Variants in PTK2B observed in about 807,000 individuals in gnomAD.
PTK2B encodes protein tyrosine kinase 2 beta.
A neutral mutation model predicts 142.9 loss-of-function variants in PTK2B; 71 were observed. That is an observed-to-expected ratio of 0.50 (90% confidence interval 0.41 to 0.61). The LOEUF (loss-of-function observed/expected upper bound fraction) is 0.61, where lower values mean the gene tolerates loss of function less well. Among genes scored for constraint, PTK2B ranks in the 20% least tolerant of loss-of-function variants. PTK2B has a pLI of 0.00. For missense variants in PTK2B, 1,105 were observed against 1,320.4 expected, an observed-to-expected ratio of 0.84 and a Z score of 2.53; for synonymous variants, 519 against 503.4, an observed-to-expected ratio of 1.03 and a Z score of -0.42.
intron 2 of PTK2B, among the ~76,000 whole-genome samples, chr8:27,407,630 C>G (rs968983527): frequency 2.0e-5 from 3 of 152,152 alleles, no homozygotes; most frequent in African/African-American, 7.2e-5. Flanking sequence ...ACAGGTGCTC[C>G]CGGGAGGTGG....
upstream of PTK2B, among the ~76,000 whole-genome samples, chr8:27,321,273 G>A (rs1183555935): frequency 2.6e-5 from 4 of 152,018 alleles, no homozygotes; most frequent in African/African-American, 7.2e-5. Flanking sequence ...TTGGATTATA[G>A]GCATGAGCCA....
chr8:27,451,170 C>A (rs982292711), intron 26 of PTK2B, 92 bp downstream of exon 26: 1 of 1,415,094 alleles, frequency 7.1e-7, no homozygotes, highest in Non-Finnish European at 9.9e-7. Context: ...CTCCTACCCC[C>A]AGGCCTGCCC....
chr8:27,439,211 T>C (rs1390081056), intron 19 of PTK2B, 80 bp downstream of exon 19: 18 of 1,563,878 alleles, frequency 1.2e-5, no homozygotes, highest in Non-Finnish European at 1.6e-5. Context: ...AAGTCTACAG[T>C]TGGACAGCCC....
chr8:27,453,292 G>T, intron 28 of PTK2B, 132 bp downstream of exon 28: 1 of 1,231,870 alleles, frequency 8.1e-7, no homozygotes, highest in East Asian at 2.5e-5. Flanking sequence ...GATGAAGCCC[G>T]GGGTTAGGGG....
In PTK2B at chr8:27,432,381, G is replaced by T; in HGVS notation, c.987+20G>T. 2 of 1,608,334 alleles carry T rather than the reference G, an allele frequency of 1.2e-6. No individual in the cohort carries two copies. The highest frequency in any genetic ancestry group is 2.2e-5 in the South Asian group (2 of 90,772). On this transcript the variant is annotated intron_variant, in intron 10 of 30. Transcript: ENST00000346049. ...CCCCAGGTGAGTGTCTCTGGGCACT[G>T]GGCACCTGGCAGCTCTGCAGGGGGT...
At chr8:27,442,413 C>G (rs539544262) in intron 21 of PTK2B, among the ~76,000 whole-genome samples, 1 of 152,190 alleles carries the variant, frequency 6.6e-6, no homozygotes, top group South Asian at 2.1e-4. Flanking sequence ...TGGGAGTGAA[C>G]CCACATGCCT....
upstream of PTK2B, among the ~76,000 whole-genome samples, chr8:27,321,876 T>C (rs1803225167): frequency 1.3e-5 from 2 of 152,234 alleles, no homozygotes; most frequent in South Asian, 4.1e-4. Context: ...ACTCAACTTA[T>C]TTTGGCCTCA....
rs376954699 is a variant in PTK2B at position 27,438,141 on chromosome 8, G to C, written c.1643+261G>C. The stretch of plus-strand genomic sequence containing the variant: ...TCTGTCTATATATCAAGACCTTCTA[G>C]CCCCTCCCCTGTGAGTGCCAGGAAA... On this transcript the variant is annotated intron_variant, in intron 18 of 30. Coordinates refer to ENST00000346049, the MANE Select transcript of PTK2B (RefSeq NM_173176.3). 4.2e-5 allele frequency: 17 copies of C among 404,928 alleles called. No homozygotes were observed. In the East Asian group the frequency reaches 6.5e-4, roughly 15 times the overall value. The allele number at this position is 404,928 out of a possible 1,614,324, so 25.1% of individuals were successfully genotyped here.
chr8:27,407,244 G>A (rs1418887338), intron 2 of PTK2B, among the ~76,000 whole-genome samples: 1 of 152,100 alleles, frequency 6.6e-6, no homozygotes, highest in Non-Finnish European at 1.5e-5. Context: ...TTCACACACA[G>A]CAGAAGGTGC....
chr8:27,374,717 G>C (rs1806564361), intron 1 of PTK2B, among the ~76,000 whole-genome samples: 1 of 152,208 alleles, frequency 6.6e-6, no homozygotes, highest in African/African-American at 2.4e-5. Flanking sequence ...ATGAAAGGCA[G>C]CTGTCAGAAA....
At chr8:27,329,308 A>G (rs1213883645) in intron 1 of PTK2B, among the ~76,000 whole-genome samples, 1 of 152,114 alleles carries the variant, frequency 6.6e-6, no homozygotes, top group Non-Finnish European at 1.5e-5. Flanking sequence ...GAGTCTTCCC[A>G]TTGCAGATCC....
chr8:27,360,577 A>G (rs1410015841), intron 1 of PTK2B, among the ~76,000 whole-genome samples: 1 of 149,948 alleles, frequency 6.7e-6, no homozygotes, highest in Non-Finnish European at 1.5e-5. Flanking sequence ...CTTGTGAGCT[A>G]GCTGGCTCCT....
chr8:27,331,238 C>T (rs1262215053), intron 1 of PTK2B, among the ~76,000 whole-genome samples: 1 of 152,146 alleles, frequency 6.6e-6, no homozygotes, highest in Non-Finnish European at 1.5e-5. Context: ...AATGCCCTTT[C>T]TTTCTTGAGG....
At chr8:27,317,383 T>C (rs6986075) in intron 3 of PTK2B, among the ~76,000 whole-genome samples, 70,582 of 152,032 alleles carry the variant, frequency 0.46, 17,022 homozygotes, top group Non-Finnish European at 0.53. Context: ...ATTTTCCATT[T>C]GATAGGCAGT....
intron 1 of PTK2B, among the ~76,000 whole-genome samples, chr8:27,330,064 G>A (rs940041805): frequency 2.6e-5 from 4 of 152,166 alleles, no homozygotes; most frequent in African/African-American, 9.7e-5. Flanking sequence ...GAGTCTGGGG[G>A]TGGAAGAAAC....
chr8:27,451,554 T>G, intron 27 of PTK2B, 45 bp downstream of exon 27: 3 of 1,613,550 alleles, frequency 1.9e-6, no homozygotes, highest in Non-Finnish European at 2.5e-6. Flanking sequence ...CTTGGCACCT[T>G]GTGCAGAGCC....
At chr8:27,344,793 C>T (rs183596396) in intron 1 of PTK2B, among the ~76,000 whole-genome samples, 3 of 152,258 alleles carry the variant, frequency 2.0e-5, no homozygotes, top group Non-Finnish European at 4.4e-5. Context: ...CAACTCAGCC[C>T]CTTCACCAAT....
rs1049301137 is a variant in PTK2B at position 27,363,755 on chromosome 8, T to C, written c.-37-33793T>C. 5.9e-5 allele frequency among the ~76,000 whole-genome samples: 9 copies of C among 152,174 alleles called. No homozygotes were observed. Among genetic ancestry groups the C allele is most frequent in the African/African-American group, 1.9e-4 (8 of 41,432 alleles). On this transcript the variant is annotated intron_variant, in intron 1 of 30. Coordinates refer to ENST00000346049, the MANE Select transcript of PTK2B (RefSeq NM_173176.3). The surrounding 1 kb of genome is among the most constrained non-coding windows in gnomAD (Gnocchi z 4.3). ...TATTGATTGGCTGAAGCCCCAGAAA[T>C]ACCTGCCATGTGCTGGGCTGTGACA... is the stretch of plus-strand genomic sequence containing the variant.
chr8:27,359,030 T>C (rs1258388263), intron 1 of PTK2B, among the ~76,000 whole-genome samples: 1 of 152,194 alleles, frequency 6.6e-6, no homozygotes, highest in African/African-American at 2.4e-5. Context: ...TATCTTCTTT[T>C]CAACATCTCC....
Sources: gnomAD v4.1 joint callset for allele counts (sites outside exome capture counted in the v4.1 genomes callset) on GRCh38, gnomAD v4.1.1 for gene constraint, Gnocchi (gnomAD v3.1) non-coding constraint, MANE v1.5 for transcripts, NCBI Gene and HGNC (gene_info 2026-07-23, HGNC 2026-07-21) for gene names.